Variants in SORCS2 observed in about 807,000 individuals in gnomAD.
SORCS2 encodes sortilin related VPS10 domain containing receptor 2, also known as VPS10 domain-containing receptor SorCS2.
In SORCS2, 100 loss-of-function variants were observed where a neutral mutation model predicts 141.6. That is an observed-to-expected ratio of 0.71 (90% CI 0.60 to 0.83). The LOEUF (loss-of-function observed/expected upper bound fraction) is 0.83. Among genes scored for constraint, SORCS2 ranks in the 40% least tolerant of loss-of-function variants. SORCS2 has a pLI of 0.00. For synonymous variants in SORCS2, 789 were observed against 676.9 expected (o/e 1.17, Z -2.57); for missense variants, 1,646 against 1,560.2 (o/e 1.05, Z -0.93).
intron 1 of SORCS2, among the ~76,000 whole-genome samples, chr4:7,284,059 T>A (rs1716054917): frequency 6.6e-6 from 1 of 152,072 alleles, no homozygotes; most frequent in Non-Finnish European, 1.5e-5. Context: ...AGTAAACCAT[T>A]TTGAGCCATC....
intron 21 of SORCS2, among the ~76,000 whole-genome samples, chr4:7,727,308 T>C (rs1046385138): frequency 3.3e-5 from 5 of 152,216 alleles, no homozygotes; most frequent in Admixed American, 6.5e-5. Context: ...GACTCCTGTC[T>C]AGAGAAACGC....
At position 7,208,132 on chromosome 4, in the gene SORCS2, G is replaced by GACC. The variant is rs200890373; in HGVS notation, c.480+15010_480+15012dup. On this transcript the variant is annotated intron_variant, in intron 1 of 26. Coordinates refer to ENST00000507866, the MANE Select transcript of SORCS2 (RefSeq NM_020777.3). ...CTTCCTGTCTCAGGAAGGCAAAGAAGACCACCGAGGCGGCCCCCAGCTCCC... is the reference window on the plus strand; with the variant it reads ...CTTCCTGTCTCAGGAAGGCAAAGAAGACCACCACCGAGGCGGCCCCCAGCTCCC... Among the ~76,000 whole-genome samples the GACC allele has an allele frequency of 7.6e-4, 115 of 152,166 alleles. 2 individuals carry two copies. In the East Asian group the frequency reaches 0.02, roughly 26 times the overall value.
intron 18 of SORCS2, 45 bp downstream of exon 18, chr4:7,718,228 G>C (rs755377413): frequency 1.3e-6 from 2 of 1,583,370 alleles, no homozygotes; most frequent in Non-Finnish European, 1.7e-6. Flanking sequence ...GTCGGGCAGG[G>C]GCGGCTCCAA....
intron 1 of SORCS2, among the ~76,000 whole-genome samples, chr4:7,377,217 T>C (rs1023069776): frequency 9.2e-5 from 14 of 152,196 alleles, no homozygotes; most frequent in Non-Finnish European, 1.9e-4. Flanking sequence ...GAAATGGTTA[T>C]GCTATGGTTT....
At chr4:7,485,573 C>A (rs1007060691) in intron 2 of SORCS2, among the ~76,000 whole-genome samples, 1 of 152,272 alleles carries the variant, frequency 6.6e-6, no homozygotes, top group African/African-American at 2.4e-5. Flanking sequence ...ATCAACAACA[C>A]ACTCTTGTTA....
intron 1 of SORCS2, among the ~76,000 whole-genome samples, chr4:7,383,013 C>T (rs2109073788): frequency 6.6e-6 from 1 of 152,238 alleles, no homozygotes; most frequent in East Asian, 1.9e-4. Flanking sequence ...CCATAAAATA[C>T]ACCTTCTGAT....
intron 2 of SORCS2, among the ~76,000 whole-genome samples, chr4:7,410,418 C>T (rs140504199): frequency 3.5e-4 from 53 of 152,306 alleles, no homozygotes; most frequent in African/African-American, 9.9e-4. Flanking sequence ...GACAGGCCTT[C>T]GTTTCAATTC....
chr4:7,727,854 G>A (rs1329887891), intron 21 of SORCS2, among the ~76,000 whole-genome samples: 1 of 152,198 alleles, frequency 6.6e-6, no homozygotes, highest in African/African-American at 2.4e-5. Flanking sequence ...TGGGAAATGT[G>A]GGAGAAAGAG....
In SORCS2 at chr4:7,625,132, C is replaced by G. The variant is rs556437753; in HGVS notation, c.649-13196C>G. Among the ~76,000 whole-genome samples, 3 of 152,336 alleles carry G rather than the reference C, an allele frequency of 2.0e-5. No homozygotes were observed. The South Asian group carries it at 6.2e-4, about 32-fold the overall frequency. On this transcript the variant is annotated intron_variant, in intron 3 of 26. Coordinates refer to ENST00000507866, the MANE Select transcript of SORCS2 (RefSeq NM_020777.3). The stretch of plus-strand genomic sequence containing the variant: ...TTTACAAATGTTCTCAAGGATGTTT[C>G]CTGGCATTTTAGCAATTGTCAGGCC...
chr4:7,360,447 G>A (rs911600713), intron 1 of SORCS2, among the ~76,000 whole-genome samples: 1 of 151,938 alleles, frequency 6.6e-6, no homozygotes, highest in Non-Finnish European at 1.5e-5. Context: ...GCCCCTGTGA[G>A]CCATTCCATC....
At chr4:7,547,628 G>T (rs1713360632) in intron 3 of SORCS2, among the ~76,000 whole-genome samples, 1 of 152,140 alleles carries the variant, frequency 6.6e-6, no homozygotes, top group Admixed American at 6.5e-5. Context: ...TGCAGCTTTT[G>T]GTTCAGATCC....
intron 1 of SORCS2, among the ~76,000 whole-genome samples, chr4:7,198,670 A>T (rs1249223043): frequency 1.3e-5 from 2 of 152,154 alleles, no homozygotes; most frequent in Admixed American, 1.3e-4. Context: ...GCAGAGGTCA[A>T]GGGATGTGGT....
rs180971797 is a variant in SORCS2, at chr4:7,503,262, C to T, written c.549-28268C>T. On this transcript the variant is annotated intron_variant, in intron 2 of 26. Transcript: ENST00000507866. ...CACATATATATGTCACCCACACTCA[C>T]GGCCCTGGAGTTCCTGGCCTAGTTA... Among the ~76,000 whole-genome samples the T allele has an allele frequency of 1.4e-4, 21 of 152,312 alleles. No homozygotes were observed. In the East Asian group the frequency reaches 3.5e-3, roughly 25 times the overall value.
At chr4:7,202,252 C>T (rs543595962) in intron 1 of SORCS2, among the ~76,000 whole-genome samples, 8 of 152,268 alleles carry the variant, frequency 5.3e-5, no homozygotes, top group South Asian at 2.1e-4. Flanking sequence ...GACTCGGGAC[C>T]GCTTCCCAGA....
At chr4:7,326,451 C>A (rs797001938) in intron 1 of SORCS2, among the ~76,000 whole-genome samples, 1 of 151,878 alleles carries the variant, frequency 6.6e-6, no homozygotes, top group Admixed American at 6.6e-5. Flanking sequence ...CCGCCCCAGC[C>A]GTGGATCTGC....
At chr4:7,731,498 G>A (rs571835324) in intron 23 of SORCS2, among the ~76,000 whole-genome samples, 213 of 152,262 alleles carry the variant, frequency 1.4e-3, no homozygotes, top group Non-Finnish European at 2.5e-3. Flanking sequence ...CAAAAGGCCT[G>A]AAATAGCCAA....
intron 2 of SORCS2, among the ~76,000 whole-genome samples, chr4:7,455,034 AGGT>A (rs1728789657): frequency 5.9e-5 from 2 of 33,898 alleles, no homozygotes; most frequent in Non-Finnish European, 1.5e-4. Context: ...TGTTGGGGTC[AGGT>A]GCTGTGTGTT....
chr4:7,583,367 GA>G (rs61453690), intron 3 of SORCS2, among the ~76,000 whole-genome samples: 6 of 152,088 alleles, frequency 3.9e-5, no homozygotes, highest in African/African-American at 1.4e-4. Flanking sequence ...ACTCCTGCTA[GA>G]AAAAAACCCT....
chr4:7,400,127 C>A (rs548647032), intron 2 of SORCS2, among the ~76,000 whole-genome samples: 1 of 152,130 alleles, frequency 6.6e-6, no homozygotes, highest in South Asian at 2.1e-4. Flanking sequence ...ACAAGCCATA[C>A]CCCCTGCAAA....
Sources: allele counts gnomAD v4.1 joint callset (sites outside exome capture counted in the v4.1 genomes callset), GRCh38; gene constraint gnomAD v4.1.1; transcripts MANE v1.5; gene names NCBI Gene and HGNC (gene_info 2026-07-23, HGNC 2026-07-21).